Variants in FRMD6 observed in about 807,000 individuals in gnomAD.
The protein encoded by FRMD6 is FERM domain-containing protein 6.
A neutral mutation model predicts 73.2 loss-of-function variants in FRMD6; 37 were observed. The ratio of observed to expected loss-of-function variants is 0.51; its 90% CI spans 0.39 to 0.66. FRMD6 has a LOEUF of 0.66. Ranked by LOEUF, FRMD6 falls within the 30% of genes least tolerant of loss-of-function variation. The probability of loss-of-function intolerance (pLI) is 0.00; values close to 1 mark genes in which losing one functional copy is unlikely to be tolerated. For missense variants in FRMD6, 714 were observed against 780.5 expected (o/e 0.91, Z 1.02); for synonymous variants, 273 against 282.2 (o/e 0.97, Z 0.33).
chr14:51,427,575 A>G, the FRMD6 span, among the ~76,000 whole-genome samples: 1 of 152,220 alleles, frequency 6.6e-6, no homozygotes, highest in Non-Finnish European at 1.5e-5. Flanking sequence ...AGACTTAGAG[A>G]AGAAAACAAA....
intron 1 of FRMD6, among the ~76,000 whole-genome samples, chr14:51,520,464 A>T (rs536347159): frequency 6.6e-6 from 1 of 152,242 alleles, no homozygotes; most frequent in African/African-American, 2.4e-5. Context: ...GTAAAAATAT[A>T]TGTCTACACA....
the FRMD6 span, among the ~76,000 whole-genome samples, chr14:51,480,876 T>A: frequency 6.6e-6 from 1 of 152,224 alleles, no homozygotes; most frequent in Non-Finnish European, 1.5e-5. Context: ...TGGTGGCATG[T>A]CACGGTGTGA....
At chr14:51,422,103 G>A in the FRMD6 span, among the ~76,000 whole-genome samples, 3 of 152,146 alleles carry the variant, frequency 2.0e-5, no homozygotes, top group Middle Eastern at 6.8e-3. Context: ...GCTTTATTGA[G>A]ATGTAATTTA....
intron 2 of FRMD6, among the ~76,000 whole-genome samples, chr14:51,605,150 T>A (rs913889289): frequency 6.7e-6 from 1 of 149,162 alleles, no homozygotes; most frequent in African/African-American, 2.5e-5. Context: ...TTTTTTTTTT[T>A]TTTTTTTTAT....
intron 8 of FRMD6, among the ~76,000 whole-genome samples, chr14:51,712,164 T>C (rs191983455): frequency 1.3e-5 from 2 of 152,282 alleles, no homozygotes; most frequent in Admixed American, 1.3e-4. Flanking sequence ...GTAGGCAAAA[T>C]ATCCAGTTAT....
the FRMD6 span, among the ~76,000 whole-genome samples, chr14:51,434,154 G>A: frequency 2.2e-4 from 33 of 152,194 alleles, no homozygotes; most frequent in Middle Eastern, 3.4e-3. Flanking sequence ...AGGTATCAGC[G>A]TAAACTCATG....
At chr14:51,485,264 C>A (rs973778775), upstream of FRMD6, among the ~76,000 whole-genome samples, 3 of 152,154 alleles carry the variant, frequency 2.0e-5, no homozygotes, top group Non-Finnish European at 2.9e-5. Context: ...CATGTCAAGT[C>A]AACTCTGCTG....
chr14:51,440,157 A>G, the FRMD6 span, among the ~76,000 whole-genome samples: 1 of 152,248 alleles, frequency 6.6e-6, no homozygotes, highest in South Asian at 2.1e-4. Flanking sequence ...AAACTTCAGC[A>G]GATCCTGAGG....
At chr14:51,432,148 T>A in the FRMD6 span, among the ~76,000 whole-genome samples, 3 of 152,232 alleles carry the variant, frequency 2.0e-5, no homozygotes, top group Non-Finnish European at 4.4e-5. Flanking sequence ...GTAATGACTC[T>A]GTTGTTCAGA....
intron 2 of FRMD6, among the ~76,000 whole-genome samples, chr14:51,577,136 G>A (rs1325937584): frequency 6.6e-6 from 1 of 152,150 alleles, no homozygotes; most frequent in Admixed American, 6.5e-5. Context: ...TGTTTCTTCT[G>A]TTGGTATTTG....
intron 1 of FRMD6, among the ~76,000 whole-genome samples, chr14:51,552,280 G>A (rs1025491123): frequency 5.9e-5 from 9 of 152,176 alleles, no homozygotes; most frequent in Non-Finnish European, 1.0e-4. Context: ...TTTTAGAACC[G>A]CACAGTGATT....
At position 51,699,084 on chromosome 14, in the gene FRMD6, C is replaced by T. The variant is rs1896127377; in HGVS notation, c.190+852C>T. On this transcript the variant is annotated intron_variant, in intron 3 of 13. Transcript: ENST00000344768. ...TCTGGTCAATACAATAATATGTTTA[C>T]ACCTGCCAAGTTGGAAAGGATATCA... is the stretch of plus-strand genomic sequence containing the variant. 2.0e-5 allele frequency among the ~76,000 whole-genome samples: 3 copies of T among 152,054 alleles called. No individual in the cohort carries two copies. The South Asian group carries it at 6.2e-4, about 31-fold the overall frequency.
At chr14:51,405,882 G>C in the FRMD6 span, among the ~76,000 whole-genome samples, 1 of 151,988 alleles carries the variant, frequency 6.6e-6, no homozygotes, top group Non-Finnish European at 1.5e-5. Flanking sequence ...GATTGTTTTT[G>C]GTGTCTTTGT....
At chr14:51,552,496 G>A (rs891599340) in intron 1 of FRMD6, among the ~76,000 whole-genome samples, 4 of 152,220 alleles carry the variant, frequency 2.6e-5, no homozygotes, top group Non-Finnish European at 5.9e-5. Flanking sequence ...AAGTGGCGCA[G>A]ATGGGAACCC....
chr14:51,604,190 G>T (rs1890153778), intron 2 of FRMD6, among the ~76,000 whole-genome samples: 1 of 152,194 alleles, frequency 6.6e-6, no homozygotes. Flanking sequence ...TGATGGTGCA[G>T]GTCTGGGAGG....
At chr14:51,454,200 C>A in the FRMD6 span, among the ~76,000 whole-genome samples, 1 of 152,164 alleles carries the variant, frequency 6.6e-6, no homozygotes, top group Non-Finnish European at 1.5e-5. Context: ...CAACTAGGAG[C>A]GGAGCCACGT....
At chr14:51,559,247 T>G (rs1887336214) in intron 1 of FRMD6, among the ~76,000 whole-genome samples, 1 of 152,232 alleles carries the variant, frequency 6.6e-6, no homozygotes, top group African/African-American at 2.4e-5. Context: ...GTAAATTCAA[T>G]TGGAAAATGT....
chr14:51,484,450 C>G (rs1027944631), upstream of FRMD6, among the ~76,000 whole-genome samples: 13 of 151,842 alleles, frequency 8.6e-5, no homozygotes, highest in Non-Finnish European at 1.9e-4. Flanking sequence ...CTGTTAACTC[C>G]AAGAACAGAT....
the FRMD6 span, among the ~76,000 whole-genome samples, chr14:51,411,480 C>G: frequency 6.6e-6 from 1 of 152,192 alleles, no homozygotes; most frequent in Non-Finnish European, 1.5e-5. Flanking sequence ...TCCACACTCT[C>G]AGGCTGCTGG....
Sources: gnomAD v4.1 joint callset for allele counts (sites outside exome capture counted in the v4.1 genomes callset) on GRCh38, gnomAD v4.1.1 for gene constraint, MANE v1.5 for transcripts, NCBI Gene and HGNC (gene_info 2026-07-23, HGNC 2026-07-21) for gene names.